USH2A: variants seen among roughly 807,000 people sequenced by gnomAD.
USH2A encodes Usher syndrome 2A (autosomal recessive, mild).
USH2A carries 443 observed loss-of-function variants against 538.9 expected under a neutral mutation model. The observed-to-expected ratio is 0.82, with a 90% confidence interval of 0.76 to 0.89. The LOEUF (loss-of-function observed/expected upper bound fraction) is 0.89. Among genes scored for constraint, USH2A ranks in the 40% least tolerant of loss-of-function variants. USH2A has a pLI of 0.00. For missense variants in USH2A, 6,633 were observed against 6,324.8 expected, an observed-to-expected ratio of 1.05 and a Z score of -1.65; for synonymous variants, 2,413 against 2,273.5, an observed-to-expected ratio of 1.06 and a Z score of -1.75.
Position 216,325,326 on chromosome 1 carries a change from A to C in USH2A, c.1122T>G (p.Asp374Glu). 1 of 1,613,808 alleles carries C rather than the reference A, an allele frequency of 6.2e-7. No individual in the cohort carries two copies. Among genetic ancestry groups the C allele is most frequent in the Non-Finnish European group, 8.5e-7 (1 of 1,179,848 alleles). ...QLNQGVTISVDLENGQYQVFY... is the reference protein window; with the variant it reads ...QLNQGVTISVELENGQYQVFY... ...TTACCTGATACTGTCCATTTTCCAAATCAACTGAAATAGTCACTCCTTGAT... is the reference window on the plus strand; with the variant it reads ...TTACCTGATACTGTCCATTTTCCAACTCAACTGAAATAGTCACTCCTTGAT... The change falls in exon 6 of 72, where the codon GAT becomes GAG. Residue 374 changes from aspartate (D) to glutamate (E), a missense_variant. Physicochemically the swap from Asp to Glu is conservative, Grantham distance 45 (BLOSUM62 2). Coordinates refer to ENST00000307340, the MANE Select transcript of USH2A (RefSeq NM_206933.4).
chr1:216,318,761 T>C (rs895203581), intron 9 of USH2A, among the ~76,000 whole-genome samples: 3 of 152,198 alleles, frequency 2.0e-5, no homozygotes, highest in African/African-American at 7.2e-5. Context: ...AAATGTATTC[T>C]CAACCCAAAT....
chr1:216,356,252 C>A (rs1358589399), intron 4 of USH2A, among the ~76,000 whole-genome samples: 1 of 152,088 alleles, frequency 6.6e-6, no homozygotes, highest in African/African-American at 2.4e-5. Context: ...ATTTAAATGA[C>A]TAACATTTTC....
chr1:216,054,947 C>T (rs1361673498), intron 30 of USH2A, among the ~76,000 whole-genome samples: 1 of 152,204 alleles, frequency 6.6e-6, no homozygotes, highest in Non-Finnish European at 1.5e-5. Flanking sequence ...ACTGTCTACC[C>T]TGAGTCCAAA....
At chr1:216,345,069 G>T (rs551300229) in intron 4 of USH2A, among the ~76,000 whole-genome samples, 2 of 151,896 alleles carry the variant, frequency 1.3e-5, no homozygotes, top group South Asian at 4.2e-4. Context: ...CCCTTCAAGC[G>T]GCAGCCTGAA....
At chr1:215,969,224 G>A (rs1256680868) in intron 36 of USH2A, among the ~76,000 whole-genome samples, 2 of 152,174 alleles carry the variant, frequency 1.3e-5, no homozygotes, top group Non-Finnish European at 2.9e-5. Flanking sequence ...ACAGCATAAA[G>A]AAAAGTACCA....
intron 29 of USH2A, chr1:216,072,600 G>C: frequency 2.3e-6 from 1 of 443,490 alleles, no homozygotes; most frequent in Non-Finnish European, 4.2e-6. Flanking sequence ...AGACATGTTA[G>C]GTAGGTGGGA....
chr1:216,241,186 C>T (rs946939371), intron 13 of USH2A, among the ~76,000 whole-genome samples: 2 of 152,234 alleles, frequency 1.3e-5, no homozygotes, highest in Middle Eastern at 3.4e-3. Flanking sequence ...AAACATTCAT[C>T]TTCTATAGGA....
intron 41 of USH2A, among the ~76,000 whole-genome samples, chr1:215,880,007 C>G (rs1337617881): frequency 6.6e-6 from 1 of 152,148 alleles, no homozygotes; most frequent in African/African-American, 2.4e-5. Flanking sequence ...TTCTTCATAG[C>G]AGGGATAAAC....
At chr1:216,117,714 A>G (rs572742326) in intron 21 of USH2A, among the ~76,000 whole-genome samples, 116 of 151,894 alleles carry the variant, frequency 7.6e-4, no homozygotes, top group African/African-American at 2.7e-3. Flanking sequence ...GCAATATATG[A>G]ACCACTTTAG....
At chr1:216,026,127 G>C (rs537927889) in intron 32 of USH2A, among the ~76,000 whole-genome samples, 16 of 152,090 alleles carry the variant, frequency 1.1e-4, no homozygotes, top group Non-Finnish European at 1.8e-4. Context: ...GAGAGTGGAA[G>C]GTATAGTAAA....
intron 3 of USH2A, among the ~76,000 whole-genome samples, chr1:216,368,999 A>G (rs1335742604): frequency 6.6e-6 from 1 of 152,172 alleles, no homozygotes; most frequent in Non-Finnish European, 1.5e-5. Flanking sequence ...ATTTCCCCTT[A>G]AAAGATCATG....
chr1:215,735,298 C>T (rs1558075122), intron 60 of USH2A, among the ~76,000 whole-genome samples: 1 of 152,132 alleles, frequency 6.6e-6, no homozygotes, highest in Non-Finnish European at 1.5e-5. Context: ...CTGTAGTTGC[C>T]ACCTCCATGA....
intron 11 of USH2A, among the ~76,000 whole-genome samples, chr1:216,286,107 G>A (rs1291606510): frequency 2.0e-5 from 3 of 152,170 alleles, no homozygotes; most frequent in Non-Finnish European, 4.4e-5. Flanking sequence ...TTTGAATGGT[G>A]AGAACATGAG....
intron 30 of USH2A, among the ~76,000 whole-genome samples, chr1:216,068,120 G>T (rs1393792758): frequency 6.6e-6 from 1 of 152,158 alleles, no homozygotes; most frequent in East Asian, 1.9e-4. Context: ...CTGAAGAGTG[G>T]TGAAGACATA....
chr1:216,007,498 T>C (rs574127758), intron 32 of USH2A, among the ~76,000 whole-genome samples: 2 of 152,126 alleles, frequency 1.3e-5, no homozygotes, highest in African/African-American at 4.8e-5. Flanking sequence ...GGAATAAGGA[T>C]AAAAGGAAGT....
At chr1:215,742,752 T>C (rs1015259797) in intron 59 of USH2A, among the ~76,000 whole-genome samples, 22 of 152,296 alleles carry the variant, frequency 1.4e-4, no homozygotes, top group African/African-American at 4.8e-4. Context: ...CTATAAAATA[T>C]ATAGGATTCA....
chr1:215,965,164 C>G (rs765773295), intron 37 of USH2A, among the ~76,000 whole-genome samples, 153 bp downstream of exon 37: 1 of 152,010 alleles, frequency 6.6e-6, no homozygotes, highest in Non-Finnish European at 1.5e-5. Context: ...TGAGAACCGT[C>G]GGGCAGTAGC....
intron 36 of USH2A, among the ~76,000 whole-genome samples, chr1:215,967,886 G>A (rs17025799): frequency 4.0e-5 from 6 of 151,892 alleles, no homozygotes; most frequent in East Asian, 1.9e-4. Flanking sequence ...CTATAGTCTC[G>A]CATATCATCC....
At chr1:215,769,442 T>C (rs1661219406) in intron 55 of USH2A, among the ~76,000 whole-genome samples, 1 of 152,298 alleles carries the variant, frequency 6.6e-6, no homozygotes, top group South Asian at 2.1e-4. Context: ...TTAATGTATA[T>C]AAAAATATAA....
Sources: gnomAD v4.1 joint callset for allele counts (sites outside exome capture counted in the v4.1 genomes callset) on GRCh38, gnomAD v4.1.1 for gene constraint, MANE v1.5 for transcripts, NCBI Gene and HGNC (gene_info 2026-07-23, HGNC 2026-07-21) for gene names.